The following VPS13C variants were observed in gnomAD, a reference collection of about 807,000 sequenced individuals.
VPS13C encodes intermembrane lipid transfer protein VPS13C.
In VPS13C, 358 loss-of-function variants were observed where a neutral mutation model predicts 456.8. The ratio of observed to expected loss-of-function variants is 0.78; its 90% CI spans 0.72 to 0.86. The LOEUF is 0.86. VPS13C is among the 40% of genes least tolerant of loss of function. The pLI, the probability that VPS13C is intolerant of heterozygous loss-of-function variation, is 0.00. For synonymous variants in VPS13C, 1,578 were observed against 1,486.7 expected (o/e 1.06, Z -1.41); for missense variants, 4,818 against 4,385.4 (o/e 1.10, Z -2.79).
At position 62,012,121 on chromosome 15, in the gene VPS13C, G is replaced by A; in HGVS notation, c.869C>T (p.Pro290Leu). 1 of 1,532,000 alleles carries A rather than the reference G, an allele frequency of 6.5e-7. No individual in the cohort carries two copies. The highest frequency in any genetic ancestry group is 9.0e-7 in the Non-Finnish European group (1 of 1,110,214). The allele number at this position is 1,532,000 out of a possible 1,614,324, so 94.9% of individuals were successfully genotyped here. A position where few individuals can be genotyped will look rare whatever the true frequency, so the allele number is the denominator to read the frequency against. ...NEILTSGNIP[P>L]NYQYIFQPIS... The stretch of plus-strand genomic sequence containing the variant: ...CTATTACTTACTGTATTGATAATTT[G>A]GGGGTATATTTCCACTTGTAAGAAT... Residue 290 changes from proline (P) to leucine (L), a missense_variant, in exon 12 of 85, where the codon CCA becomes CTA. Transcript: ENST00000644861.
At chr15:61,916,477 T>C (rs1168374523) in intron 60 of VPS13C, among the ~76,000 whole-genome samples, 2 of 152,220 alleles carry the variant, frequency 1.3e-5, no homozygotes, top group African/African-American at 4.8e-5. Context: ...TGACGAGTTA[T>C]CTAAGTAAGG....
chr15:61,916,366 C>T (rs1343457593), intron 60 of VPS13C, among the ~76,000 whole-genome samples: 1 of 152,116 alleles, frequency 6.6e-6, no homozygotes, highest in Admixed American at 6.5e-5. Flanking sequence ...AACTGCCTGG[C>T]CTTCAGTTTT....
At chr15:62,038,210 T>C (rs1257673531) in intron 3 of VPS13C, among the ~76,000 whole-genome samples, 1 of 152,160 alleles carries the variant, frequency 6.6e-6, no homozygotes, top group Non-Finnish European at 1.5e-5. Context: ...AAAACTCATC[T>C]GGACATCAGC....
intron 31 of VPS13C, 37 bp downstream of exon 31, chr15:61,964,661 AC>A (rs2045322478): frequency 1.9e-6 from 3 of 1,557,202 alleles, no homozygotes. Context: ...GAATTCTAAA[AC>A]CCTTGCTAAC....
Position 61,919,435 on chromosome 15 carries a change from T to C in VPS13C, c.7492A>G (p.Thr2498Ala), listed in dbSNP as rs771888051. The stretch of plus-strand genomic sequence containing the variant: ...GCCACAGGGATATTTGCAACTTCTG[T>C]ATATCCATGAGGTACTAAGGCAGTG... ...FTLTIVPHGY[T>A]EVANIPVARP... The change falls in exon 58 of 85, where the codon ACA becomes GCA. Residue 2498 changes from threonine (T) to alanine (A), a missense_variant. By Grantham distance (58) the Thr-to-Ala change is moderately conservative. Around this residue, in one of 3 missense-constraint regions of VPS13C, gnomAD observed 4,552 missense variants for 4,130.6 expected, o/e 1.10. Coordinates refer to ENST00000644861, the MANE Select transcript of VPS13C (RefSeq NM_020821.3). The C allele has an allele frequency of 1.9e-6, 3 of 1,585,990 alleles. No homozygotes were observed. Among genetic ancestry groups the C allele is most frequent in the Non-Finnish European group, 2.6e-6 (3 of 1,169,492 alleles).
At chr15:61,856,569 A>C in intron 82 of VPS13C, 160 bp from the exon 83 acceptor site, 2 of 740,546 alleles carry the variant, frequency 2.7e-6, no homozygotes, top group Non-Finnish European at 4.1e-6. Context: ...AAGTCTAGAT[A>C]ACTGTCAAAT....
chr15:61,962,049 A>T (rs1289446087), intron 34 of VPS13C, among the ~76,000 whole-genome samples, 156 bp from the exon 35 acceptor site: 1 of 152,182 alleles, frequency 6.6e-6, no homozygotes, highest in African/African-American at 2.4e-5. Context: ...AATTACGGAT[A>T]ATCCATCTAT....
chr15:61,944,753 G>T (rs2140269906), intron 45 of VPS13C, among the ~76,000 whole-genome samples: 1 of 152,196 alleles, frequency 6.6e-6, no homozygotes, highest in Non-Finnish European at 1.5e-5. Flanking sequence ...GCCTGCCCAT[G>T]TATGCCCTGA....
chr15:61,865,660 ATGTGTATATATGTG>A lies in VPS13C; in HGVS notation c.10864-2146_10864-2133del, dbSNP rs1467763259. 2.0e-5 allele frequency: 7 copies of A among 349,726 alleles called. No homozygotes were observed. In the Admixed American group the frequency reaches 4.5e-4, roughly 23 times the overall value. 21.7% of individuals were successfully genotyped at this position (349,726 alleles called of 1,614,324 possible). ...TATTTGTATGTGTGTATATATATGT[ATGTGTATATATGTG>A]TATATTTGTATGTGTATATATATGT... On this transcript the variant is annotated intron_variant, in intron 81 of 84. Coordinates refer to ENST00000644861, the MANE Select transcript of VPS13C (RefSeq NM_020821.3).
intron 5 of VPS13C, among the ~76,000 whole-genome samples, chr15:62,031,934 A>C (rs1459409129): frequency 6.6e-6 from 1 of 151,814 alleles, no homozygotes; most frequent in African/African-American, 2.4e-5. Flanking sequence ...ATATACCACG[A>C]CTTTTCTTAC....
intron 75 of VPS13C, among the ~76,000 whole-genome samples, chr15:61,876,191 A>G (rs1895410775): frequency 6.6e-6 from 1 of 151,946 alleles, no homozygotes; most frequent in Admixed American, 6.6e-5. Flanking sequence ...CCAACAGTTT[A>G]GGAGACTGAG....
intron 3 of VPS13C, among the ~76,000 whole-genome samples, chr15:62,037,208 T>C (rs1397484606): frequency 9.4e-6 from 1 of 105,942 alleles, no homozygotes; most frequent in African/African-American, 3.7e-5. Flanking sequence ...ATATAATATA[T>C]AAATATATTA....
chr15:61,958,510 G>C, intron 37 of VPS13C, 98 bp downstream of exon 37: 1 of 711,014 alleles, frequency 1.4e-6, no homozygotes, highest in Non-Finnish European at 2.3e-6. Context: ...ACTGCAATTT[G>C]TAAACATATA....
chr15:61,869,324 G>A (rs185905708), intron 80 of VPS13C, among the ~76,000 whole-genome samples, 176 bp downstream of exon 80: 9 of 152,010 alleles, frequency 5.9e-5, no homozygotes, highest in South Asian at 2.1e-4. Context: ...CACCATGTTC[G>A]CAAAATATGT....
At chr15:61,919,977 C>G in intron 57 of VPS13C, 90 bp downstream of exon 57, 1 of 1,278,662 alleles carries the variant, frequency 7.8e-7, no homozygotes, top group East Asian at 2.4e-5. Flanking sequence ...CTCCAGATAT[C>G]TGCAGCAAAA....
chr15:61,930,598 A>T (rs1321148059), intron 50 of VPS13C, among the ~76,000 whole-genome samples: 1 of 152,248 alleles, frequency 6.6e-6, no homozygotes, highest in African/African-American at 2.4e-5. Flanking sequence ...TTCCCATTTT[A>T]GAATGAGCTA....
intron 8 of VPS13C, among the ~76,000 whole-genome samples, chr15:62,021,205 T>A (rs1461832105): frequency 6.6e-6 from 1 of 151,868 alleles, no homozygotes; most frequent in East Asian, 1.9e-4. Context: ...ATGTATATTA[T>A]GGGTGATGGA....
At chr15:62,010,656 T>G in intron 12 of VPS13C, 57 bp from the exon 13 acceptor site, 1 of 1,458,488 alleles carries the variant, frequency 6.9e-7, no homozygotes, top group Non-Finnish European at 9.1e-7. Context: ...TATAAACAAG[T>G]GTAAATAATT....
At chr15:61,860,926 ACGCATGT>A (rs1238866370) in intron 82 of VPS13C, among the ~76,000 whole-genome samples, 2 of 150,932 alleles carry the variant, frequency 1.3e-5, no homozygotes, top group Admixed American at 6.6e-5. Flanking sequence ...GCAAACTAGA[ACGCATGT>A]ATGGTTAGTT....
Sources: gnomAD v4.1 joint callset for allele counts (sites outside exome capture counted in the v4.1 genomes callset) on GRCh38, gnomAD v4.1.1 for gene constraint, gnomAD v4.1.1 regional missense constraint, MANE v1.5 for transcripts, NCBI Gene and HGNC (gene_info 2026-07-23, HGNC 2026-07-21) for gene names.